Variants in RTTN observed in about 807,000 individuals in gnomAD.
RTTN encodes rotatin.
A neutral mutation model predicts 269.2 loss-of-function variants in RTTN; 182 were observed. The observed-to-expected ratio is 0.68, with a 90% CI of 0.60 to 0.76. RTTN has a LOEUF of 0.76. RTTN is among the 30% of genes least tolerant of loss of function. RTTN has a pLI of 0.00. For missense variants in RTTN, 2,545 were observed against 2,608.6 expected (o/e 0.98, Z 0.53); for synonymous variants, 1,006 against 963.5 (o/e 1.04, Z -0.82).
At chr18:70,060,166 C>A (rs754897851) in intron 35 of RTTN, 124 bp from the exon 36 acceptor site, 25 of 879,542 alleles carry the variant, frequency 2.8e-5, no homozygotes, top group Non-Finnish European at 1.0e-5. Context: ...ATTGCCTTAG[C>A]TTCTTGGCTC....
rs1468176288 is a variant in RTTN at position 70,190,530 on chromosome 18, C to T, written c.1189+8G>A. On this transcript the variant is annotated splice_region_variant and intron_variant, in intron 9 of 48. Transcript: ENST00000640769. ...TATATCAGAATTACGATTTCTAAAA[C>T]AACTAACCTGTTCTTAAGAGAGGAA... The T allele has an allele frequency of 6.3e-7, 1 of 1,593,268 alleles. No individual in the cohort carries two copies. Among genetic ancestry groups the T allele is most frequent in the East Asian group, 2.2e-5 (1 of 44,464 alleles).
chr18:70,090,384 T>G (rs2058811724), intron 30 of RTTN, among the ~76,000 whole-genome samples: 3 of 150,628 alleles, frequency 2.0e-5, no homozygotes, highest in Admixed American at 1.3e-4. Flanking sequence ...CTAGAACAAT[T>G]ACAACAATAT....
At chr18:70,134,664 C>T (rs1484163400) in intron 22 of RTTN, 123 bp from the exon 23 acceptor site, 2 of 620,122 alleles carry the variant, frequency 3.2e-6, no homozygotes, top group Non-Finnish European at 5.7e-6. Context: ...CTGAGTCTAT[C>T]ATTTAGTATA....
intron 21 of RTTN, among the ~76,000 whole-genome samples, chr18:70,135,811 G>A (rs908822586): frequency 2.6e-5 from 4 of 152,132 alleles, no homozygotes; most frequent in African/African-American, 7.2e-5. Context: ...TGATGGAAAA[G>A]GGAAGTGCTC....
chr18:70,011,044 G>A (rs2056356351), intron 46 of RTTN, among the ~76,000 whole-genome samples: 1 of 152,158 alleles, frequency 6.6e-6, no homozygotes. Flanking sequence ...CTAGGAAGAA[G>A]TCGAATCCCT....
intron 23 of RTTN, among the ~76,000 whole-genome samples, chr18:70,133,429 C>T (rs979285963): frequency 1.3e-5 from 2 of 152,070 alleles, no homozygotes; most frequent in African/African-American, 4.8e-5. Flanking sequence ...GACACGTGTT[C>T]AAGAATGTTC....
rs779016556 is a variant in RTTN, at chr18:70,128,462, G to A, written c.3039C>T (p.Ala1013=). ...IVLPLSADCL[A]LKPVSDMLRI... ...TCAGCATATCTGACACCGGCTTCAA[G>A]GCCAAACAATCAGCAGATAAGGGCA... The change falls in exon 24 of 49, where the codon GCC becomes GCT. Residue 1013 remains alanine, a synonymous_variant. Transcript: ENST00000640769. 5.6e-6 allele frequency: 9 copies of A among 1,613,124 alleles called. No homozygotes were observed. The highest frequency in any genetic ancestry group is 7.6e-6 in the Non-Finnish European group (9 of 1,179,530).
intron 28 of RTTN, among the ~76,000 whole-genome samples, chr18:70,106,943 G>A (rs1012879218): frequency 2.0e-5 from 3 of 152,170 alleles, no homozygotes; most frequent in Admixed American, 6.5e-5. Flanking sequence ...AACACAGTTA[G>A]CAATCAAAAC....
In RTTN at chr18:70,134,483, C is replaced by A; in HGVS notation, c.2944G>T (p.Val982Phe). 6.2e-7 allele frequency: 1 copy of A among 1,606,888 alleles called. No individual in the cohort carries two copies. Among genetic ancestry groups the A allele is most frequent in the Non-Finnish European group, 8.5e-7 (1 of 1,175,586 alleles). Residue 982 changes from valine (V) to phenylalanine (F), a missense_variant, in exon 23 of 49, where the codon GTT (valine) becomes TTT (phenylalanine). Val to Phe is a conservative substitution (Grantham distance 50). Coordinates refer to ENST00000640769, the MANE Select transcript of RTTN (RefSeq NM_173630.4). Reference protein sequence around the residue: ...LPSVFSLPVSVFRRYHLPVHV... With the variant: ...LPSVFSLPVSFFRRYHLPVHV... Reference sequence around the variant, plus strand: ...AAATAAATCCTTTACCTTCTAAAAACGGAAACAGGCAAACTGAAGACCGAT... The same window carrying A: ...AAATAAATCCTTTACCTTCTAAAAAAGGAAACAGGCAAACTGAAGACCGAT...
intron 35 of RTTN, among the ~76,000 whole-genome samples, chr18:70,065,588 C>CG (rs1285682582): frequency 6.6e-6 from 1 of 152,156 alleles, no homozygotes; most frequent in African/African-American, 2.4e-5. Context: ...CAAATACCTA[C>CG]GAGCGCCTAA....
At chr18:70,126,293 T>TA (rs1372890599) in intron 25 of RTTN, among the ~76,000 whole-genome samples, 1 of 152,140 alleles carries the variant, frequency 6.6e-6, no homozygotes, top group Admixed American at 6.6e-5. Context: ...GCTTTTATGT[T>TA]AAAATTTCTT....
At chr18:70,119,294 C>G (rs567304245) in intron 26 of RTTN, among the ~76,000 whole-genome samples, 1 of 142,298 alleles carries the variant, frequency 7.0e-6, no homozygotes, top group East Asian at 2.1e-4. Flanking sequence ...CCGCGCCCCC[C>G]CAAAAAAAAA....
At chr18:70,029,163 C>CAAAAAAAAAAA (rs35814962) in intron 42 of RTTN, among the ~76,000 whole-genome samples, 1 of 112,790 alleles carries the variant, frequency 8.9e-6, no homozygotes, top group Non-Finnish European at 1.8e-5. Flanking sequence ...GGAAAAGAGG[C>CAAAAAAAAAAA]AAAAAAAAAA....
In RTTN at chr18:70,196,495, A is replaced by G. The variant is rs527520098; in HGVS notation, c.841+6T>C. 2 of 1,600,036 alleles carry G rather than the reference A, an allele frequency of 1.2e-6. No homozygotes were observed. Among genetic ancestry groups the G allele is most frequent in the East Asian group, 2.2e-5 (1 of 44,794 alleles). On this transcript the variant is annotated splice_donor_region_variant and intron_variant, in intron 7 of 48. Coordinates refer to ENST00000640769, the MANE Select transcript of RTTN (RefSeq NM_173630.4). ...CAGTGGCTAATGAACAGATAAAAAT[A>G]AATACCGTGTTTATTGGAGAAAAAA...
intron 31 of RTTN, 134 bp from the exon 32 acceptor site, chr18:70,086,818 A>T (rs1177600164): frequency 3.9e-6 from 3 of 773,988 alleles, no homozygotes; most frequent in Non-Finnish European, 6.2e-6. Context: ...TCAACTGCAC[A>T]TGCTGAGAGG....
intron 32 of RTTN, among the ~76,000 whole-genome samples, chr18:70,081,338 C>G (rs1209948194): frequency 2.6e-5 from 4 of 151,882 alleles, no homozygotes; most frequent in African/African-American, 9.7e-5. Context: ...AAAAGTAAAA[C>G]AAAACAAAAC....
chr18:70,026,040 T>C (rs1055986642), intron 43 of RTTN, among the ~76,000 whole-genome samples: 5 of 152,230 alleles, frequency 3.3e-5, no homozygotes, highest in Non-Finnish European at 2.9e-5. Context: ...ATGTCCTAAA[T>C]TATTAATGCC....
intron 14 of RTTN, among the ~76,000 whole-genome samples, chr18:70,151,639 A>G (rs571551770): frequency 3.3e-5 from 5 of 152,258 alleles, no homozygotes; most frequent in Non-Finnish European, 5.9e-5. Flanking sequence ...CTTCGTTCAT[A>G]TTACAAGGTT....
At chr18:70,182,259 G>T (rs2061436771) in intron 10 of RTTN, among the ~76,000 whole-genome samples, 1 of 151,716 alleles carries the variant, frequency 6.6e-6, no homozygotes, top group African/African-American at 2.4e-5. Context: ...TAAAAGTTTG[G>T]GTTTCTTTCT....
Sources: allele counts gnomAD v4.1 joint callset (sites outside exome capture counted in the v4.1 genomes callset), GRCh38; gene constraint gnomAD v4.1.1; transcripts MANE v1.5; gene names NCBI Gene and HGNC (gene_info 2026-07-23, HGNC 2026-07-21).